Variants in LRPPRC observed in about 807,000 individuals in gnomAD.
The protein encoded by LRPPRC is leucine rich pentatricopeptide repeat containing.
A neutral mutation model predicts 180.3 loss-of-function variants in LRPPRC; 120 were observed. The observed-to-expected ratio is 0.67, with a 90% CI of 0.57 to 0.77. The LOEUF is 0.77. Among genes scored for constraint, LRPPRC ranks in the 30% least tolerant of loss-of-function variants. LRPPRC has a pLI of 0.00. For missense variants in LRPPRC, 2,012 were observed against 1,657.2 expected (o/e 1.21, Z -3.72); for synonymous variants, 723 against 600.0 (o/e 1.21, Z -3.00).
intron 27 of LRPPRC, among the ~76,000 whole-genome samples, chr2:43,922,361 A>G (rs758377157): frequency 6.6e-6 from 1 of 152,212 alleles, no homozygotes; most frequent in East Asian, 1.9e-4. Context: ...TTAAGTGTGT[A>G]TTAAGTATGT....
chr2:43,971,018 T>C (rs1016814269), intron 11 of LRPPRC, among the ~76,000 whole-genome samples: 1 of 151,786 alleles, frequency 6.6e-6, no homozygotes, highest in African/African-American at 2.4e-5. Context: ...GAGAATTGCT[T>C]GAACCTGGGA....
At chr2:43,976,827 GATA>G (rs1674078000) in intron 5 of LRPPRC, among the ~76,000 whole-genome samples, 164 bp downstream of exon 5, 1 of 151,240 alleles carries the variant, frequency 6.6e-6, no homozygotes, top group African/African-American at 2.4e-5. Context: ...TCTCTTACAC[GATA>G]ATTTTATATT....
At chr2:43,969,328 C>G (rs907810408) in intron 11 of LRPPRC, among the ~76,000 whole-genome samples, 1 of 151,360 alleles carries the variant, frequency 6.6e-6, no homozygotes, top group Admixed American at 6.6e-5. Context: ...AGGAGAATGG[C>G]GTGAACCCAG....
rs752078250 is a variant in LRPPRC at position 43,957,373 on chromosome 2, T to C, written c.1649+12A>G. On this transcript the variant is annotated intron_variant, in intron 14 of 37. Coordinates refer to ENST00000260665, the MANE Select transcript of LRPPRC (RefSeq NM_133259.4). ...ATGTTCAGGCAAGGAACATTTAAGTTGATCATCTTACCTCCTGAAGCCTAG... is the reference window on the plus strand; with the variant it reads ...ATGTTCAGGCAAGGAACATTTAAGTCGATCATCTTACCTCCTGAAGCCTAG... The C allele has an allele frequency of 6.9e-6, 11 of 1,597,246 alleles. No homozygotes were observed. The highest frequency in any genetic ancestry group is 2.6e-6 in the Non-Finnish European group (3 of 1,164,804).
At chr2:43,984,547 A>T (rs1674444890) in intron 1 of LRPPRC, among the ~76,000 whole-genome samples, 1 of 152,204 alleles carries the variant, frequency 6.6e-6, no homozygotes, top group African/African-American at 2.4e-5. Context: ...TTATAAAATA[A>T]ATTGGGATAG....
rs564364532 is a variant in LRPPRC at position 43,920,507 on chromosome 2, T to C, written c.2897-2109A>G. ...GCAGAAATTAACCTAAAGTGCAGAGTGATTTTATACATATACTGATAAAAT... is the reference window on the plus strand; with the variant it reads ...GCAGAAATTAACCTAAAGTGCAGAGCGATTTTATACATATACTGATAAAAT... On this transcript the variant is annotated intron_variant, in intron 27 of 37. Coordinates refer to ENST00000260665, the MANE Select transcript of LRPPRC (RefSeq NM_133259.4). Among the ~76,000 whole-genome samples the C allele has an allele frequency of 7.9e-5, 12 of 152,152 alleles. No individual in the cohort carries two copies. The South Asian group carries it at 2.5e-3, about 32-fold the overall frequency.
intron 6 of LRPPRC, 149 bp downstream of exon 6, chr2:43,975,994 G>T: frequency 1.2e-5 from 7 of 591,364 alleles, no homozygotes; most frequent in Non-Finnish European, 2.1e-5. Context: ...ATTTTTTTTT[G>T]AAGGGATAGA....
At chr2:43,958,427 T>A (rs1377296903) in intron 13 of LRPPRC, among the ~76,000 whole-genome samples, 2 of 152,178 alleles carry the variant, frequency 1.3e-5, no homozygotes, top group African/African-American at 4.8e-5. Context: ...CATGGCCCAT[T>A]TTAAGTGTTC....
At chr2:43,907,889 T>C (rs765692982) in intron 30 of LRPPRC, among the ~76,000 whole-genome samples, 2 of 152,194 alleles carry the variant, frequency 1.3e-5, no homozygotes, top group African/African-American at 2.4e-5. Context: ...TTTGTTGCCT[T>C]ATGGTTTTAA....
intron 5 of LRPPRC, 99 bp downstream of exon 5, chr2:43,976,895 C>T (rs1165390056): frequency 1.1e-6 from 1 of 918,214 alleles, no homozygotes; most frequent in Non-Finnish European, 1.8e-6. Context: ...GAAACAATTT[C>T]CTCCATTAGG....
chr2:43,939,479 G>C (rs1288161293), intron 23 of LRPPRC, among the ~76,000 whole-genome samples: 1 of 151,612 alleles, frequency 6.6e-6, no homozygotes, highest in African/African-American at 2.4e-5. Flanking sequence ...TGTGGGGGGA[G>C]AAAAAAGTTT....
intron 14 of LRPPRC, among the ~76,000 whole-genome samples, chr2:43,951,288 T>C (rs1317986642): frequency 6.6e-6 from 1 of 152,212 alleles, no homozygotes. Flanking sequence ...TTAGGTATCT[T>C]TTTTTGGTTA....
intron 1 of LRPPRC, among the ~76,000 whole-genome samples, chr2:43,988,649 G>C (rs1043151636): frequency 1.3e-5 from 2 of 151,922 alleles, no homozygotes; most frequent in Non-Finnish European, 1.5e-5. Flanking sequence ...ATGGAGTCTC[G>C]CTCTGTCACC....
chr2:43,945,415 T>A lies in LRPPRC; in HGVS notation c.2213A>T (p.Asp738Val), dbSNP rs1184756894. 1 of 1,599,988 alleles carries A rather than the reference T, an allele frequency of 6.3e-7. No individual in the cohort carries two copies. The highest frequency in any genetic ancestry group is 8.6e-7 in the Non-Finnish European group (1 of 1,167,432). ...EDALNLKEEF[D>V]RLDSSAVLDT... is the part of the protein sequence containing the mutation. ...AAGGACAGCAGATGAATCTAAGCGG[T>A]CACTAAAAATTAAAGCCACATTTAT... The change falls in exon 22 of 38, where the codon GAC becomes GTC. Residue 738 changes from aspartate (D) to valine (V), a missense_variant and splice_region_variant. By Grantham distance (152) the Asp-to-Val change is radical. Transcript: ENST00000260665.
intron 23 of LRPPRC, among the ~76,000 whole-genome samples, chr2:43,939,548 T>C (rs1672401828): frequency 1.3e-5 from 2 of 152,156 alleles, no homozygotes; most frequent in Admixed American, 6.6e-5. Context: ...CAAACTATCT[T>C]ACAAATCCTC....
chr2:43,907,861 T>C (rs1177655235), intron 30 of LRPPRC, among the ~76,000 whole-genome samples: 1 of 152,184 alleles, frequency 6.6e-6, no homozygotes, highest in Non-Finnish European at 1.5e-5. Flanking sequence ...ATGACAGCCT[T>C]TCAAATTTAG....
At chr2:43,956,455 T>C (rs565527558) in intron 14 of LRPPRC, among the ~76,000 whole-genome samples, 1 of 140,744 alleles carries the variant, frequency 7.1e-6, no homozygotes, top group South Asian at 2.4e-4. Context: ...CAACTTCAAG[T>C]GGTTCAGCCA....
rs1395952223 is a variant in LRPPRC, at chr2:43,887,784, A to T, written c.*816T>A. 19 of 152,216 alleles carry T rather than the reference A, an allele frequency of 1.2e-4. No homozygotes were observed. Among genetic ancestry groups the T allele is most frequent in the Admixed American group, 1.2e-3 (19 of 15,282 alleles). The allele number at this position is 152,216 out of a possible 1,614,324, so 9.4% of individuals were successfully genotyped here. ...CTTTTATTTCAAACAATTAAATACAAACCAATATTTTACCCCTTCATAGAT... is the reference window on the plus strand; with the variant it reads ...CTTTTATTTCAAACAATTAAATACATACCAATATTTTACCCCTTCATAGAT... On this transcript the variant is annotated 3_prime_UTR_variant, in exon 38 of 38. Coordinates refer to ENST00000260665, the MANE Select transcript of LRPPRC (RefSeq NM_133259.4).
At position 43,934,887 on chromosome 2, in the gene LRPPRC, C is replaced by CA. The variant is rs768296102; in HGVS notation, c.2505-10dup. The stretch of plus-strand genomic sequence containing the variant: ...CAGTAGATAGGTCGCCCCTTAGAAA[C>CA]AAAAAAATTAGCAATGAATAAAATA... On this transcript the variant is annotated splice_polypyrimidine_tract_variant and intron_variant, in intron 23 of 37. Coordinates refer to ENST00000260665, the MANE Select transcript of LRPPRC (RefSeq NM_133259.4). The CA allele has an allele frequency of 1.2e-5, 19 of 1,610,222 alleles. No individual in the cohort carries two copies. Among genetic ancestry groups the CA allele is most frequent in the Admixed American group, 6.7e-5 (4 of 59,678 alleles).
Sources: allele counts gnomAD v4.1 joint callset (sites outside exome capture counted in the v4.1 genomes callset), GRCh38; gene constraint gnomAD v4.1.1; transcripts MANE v1.5; gene names NCBI Gene and HGNC (gene_info 2026-07-23, HGNC 2026-07-21).